The following AP3D1 variants were observed in gnomAD, a reference collection of about 807,000 sequenced individuals.
AP3D1 encodes the protein adaptor related protein complex 3 subunit delta 1, also known as AP-3 complex subunit delta-1.
Under a neutral mutation model 147.6 loss-of-function variants are expected in AP3D1, and 51 were observed. The observed-to-expected ratio is 0.35, with a 90% CI of 0.28 to 0.44. The LOEUF (loss-of-function observed/expected upper bound fraction) is 0.44. Ranked by LOEUF, AP3D1 falls within the 20% of genes least tolerant of loss-of-function variation. AP3D1 has a pLI of 1.00. For missense variants in AP3D1, 1,421 were observed against 1,624.2 expected, an observed-to-expected ratio of 0.87 and a Z score of 2.15; for synonymous variants, 760 against 663.0, an observed-to-expected ratio of 1.15 and a Z score of -2.25.
At chr19:2,134,216 C>A (rs2145126611) in intron 4 of AP3D1, among the ~76,000 whole-genome samples, 1 of 152,070 alleles carries the variant, frequency 6.6e-6, no homozygotes, top group South Asian at 2.1e-4. Context: ...GGGTTTGAGA[C>A]CAGCCTAGGC....
chr19:2,151,091 A>C lies in AP3D1; in HGVS notation c.96+148T>G, dbSNP rs1189195253. ...AGGAGGTGGGCGGCGCCCCAGGCCC[A>C]GGCCAGGCAGGGCCGGAGCCCTAAG... On this transcript the variant is annotated intron_variant, in intron 1 of 31. Coordinates refer to ENST00000643116, the MANE Select transcript of AP3D1 (RefSeq NM_001261826.3). The C allele has an allele frequency of 8.6e-6, 6 of 697,946 alleles. No homozygotes were observed. In the African/African-American group the frequency reaches 1.1e-4, roughly 13 times the overall value. 43.2% of individuals were successfully genotyped at this position (697,946 alleles called of 1,614,324 possible).
intron 9 of AP3D1, among the ~76,000 whole-genome samples, chr19:2,125,142 A>C (rs1490792906): frequency 6.6e-6 from 1 of 152,204 alleles, no homozygotes; most frequent in African/African-American, 2.4e-5. Flanking sequence ...CTGAAATAAT[A>C]ATTTTTTTAA....
At chr19:2,145,627 T>A (rs1331833673) in intron 1 of AP3D1, among the ~76,000 whole-genome samples, 1 of 152,156 alleles carries the variant, frequency 6.6e-6, no homozygotes, top group African/African-American at 2.4e-5. Context: ...TCGCCGCTCC[T>A]GCCCTCTGGT....
At chr19:2,131,321 C>A (rs2018933315) in intron 5 of AP3D1, among the ~76,000 whole-genome samples, 1 of 151,324 alleles carries the variant, frequency 6.6e-6, no homozygotes, top group Admixed American at 6.6e-5. Context: ...GATCTAGACA[C>A]CAGGTGGACA....
intron 1 of AP3D1, among the ~76,000 whole-genome samples, chr19:2,162,139 G>A (rs1036323750): frequency 6.7e-6 from 1 of 149,404 alleles, no homozygotes; most frequent in East Asian, 2.0e-4. Context: ...GGACTCAAGT[G>A]ATTTCTCCTG....
intron 3 of AP3D1, 40 bp downstream of exon 3, chr19:2,137,687 C>T (rs777771643): frequency 6.4e-7 from 1 of 1,570,740 alleles, no homozygotes; most frequent in Non-Finnish European, 8.7e-7. Flanking sequence ...CACCTGTAAT[C>T]ACTCCCCACC....
chr19:2,116,462 C>A, intron 17 of AP3D1, 143 bp downstream of exon 17: 2 of 1,275,616 alleles, frequency 1.6e-6, no homozygotes. Flanking sequence ...AAAGGAATCG[C>A]TAACGCTCTG....
At chr19:2,158,479 TG>T (rs1488827015) in intron 1 of AP3D1, among the ~76,000 whole-genome samples, 1 of 151,648 alleles carries the variant, frequency 6.6e-6, no homozygotes, top group Non-Finnish European at 1.5e-5. Flanking sequence ...CTACTTTTTG[TG>T]TATTTTTTGT....
intron 1 of AP3D1, among the ~76,000 whole-genome samples, chr19:2,163,783 T>G (rs1439018849): frequency 6.6e-6 from 1 of 150,398 alleles, no homozygotes; most frequent in Non-Finnish European, 1.5e-5. Flanking sequence ...CGTGCGTGCG[T>G]GGATTCGGGC....
intron 31 of AP3D1, 103 bp downstream of exon 31, chr19:2,108,584 C>G (rs565948954): frequency 9.4e-7 from 1 of 1,066,594 alleles, no homozygotes. Flanking sequence ...TCACTGTCCT[C>G]GAGCCCTCTA....
At chr19:2,136,170 G>C (rs1325060791) in intron 4 of AP3D1, among the ~76,000 whole-genome samples, 1 of 152,250 alleles carries the variant, frequency 6.6e-6, no homozygotes, top group African/African-American at 2.4e-5. Context: ...GGGACGCCCA[G>C]CTCTATAACC....
Position 2,116,668 on chromosome 19 carries a change from G to C in AP3D1, c.1938C>G (p.His646Gln). The change falls in exon 17 of 32, where the codon CAC becomes CAG. Residue 646 changes from histidine (H) to glutamine (Q), a missense_variant. His to Gln is a conservative substitution (Grantham distance 24). Coordinates refer to ENST00000643116, the MANE Select transcript of AP3D1 (RefSeq NM_001261826.3). ...GCTTGGGACGCCGCTGCTCCTCCTC[G>C]TGGAAGACGGCCCTGGGCCTCTCGT... ...SEDERPRAVF[H>Q]EEEQRRPKHR... 1 of 1,607,754 alleles carries C rather than the reference G, an allele frequency of 6.2e-7. No homozygotes were observed.
chr19:2,150,636 A>G (rs1195243415), intron 1 of AP3D1, among the ~76,000 whole-genome samples: 1 of 152,150 alleles, frequency 6.6e-6, no homozygotes. Flanking sequence ...CAACGCCCCA[A>G]GACCCTGCCT....
intron 1 of AP3D1, among the ~76,000 whole-genome samples, chr19:2,162,643 C>CA (rs2144612297): frequency 6.6e-6 from 1 of 150,824 alleles, no homozygotes; most frequent in Non-Finnish European, 1.5e-5. Flanking sequence ...GCCTGGGCGA[C>CA]AGAGCGAGAC....
chr19:2,154,839 T>C (rs2019632245), upstream of AP3D1, among the ~76,000 whole-genome samples: 1 of 152,212 alleles, frequency 6.6e-6, no homozygotes, highest in South Asian at 2.1e-4. Flanking sequence ...CCCAATTACG[T>C]TTCTTTATGA....
At chr19:2,144,138 G>C (rs1024208076) in intron 1 of AP3D1, among the ~76,000 whole-genome samples, 2 of 151,464 alleles carry the variant, frequency 1.3e-5, no homozygotes, top group African/African-American at 2.4e-5. Context: ...GTCAGGAAAG[G>C]GGACGCGCCG....
At chr19:2,161,726 A>G (rs1366318422) in intron 1 of AP3D1, among the ~76,000 whole-genome samples, 1 of 152,046 alleles carries the variant, frequency 6.6e-6, no homozygotes. Flanking sequence ...AGGTGGGAAT[A>G]TAACTTGAGA....
rs1376087729 is a variant in AP3D1 at position 2,114,204 on chromosome 19, CTCT to C, written c.2519_2521del (p.Lys840del). Reference sequence around the variant, plus strand: ...TTTCTCTTTCTTCTTGGGTTTCTTGCTCTTCTTTTCTACCATGGGAACGTCCTT... The same window carrying C: ...TTTCTCTTTCTTCTTGGGTTTCTTGCTCTTTTCTACCATGGGAACGTCCTT... On this transcript the variant is annotated inframe_deletion, in exon 22 of 32. Transcript: ENST00000643116. 2 of 1,611,418 alleles carry C rather than the reference CTCT, an allele frequency of 1.2e-6. No homozygotes were observed. Among genetic ancestry groups the C allele is most frequent in the Non-Finnish European group, 1.7e-6 (2 of 1,178,882 alleles).
rs373903647 is a variant in AP3D1 at position 2,138,611 on chromosome 19, G to A, written c.192+8C>T. On this transcript the variant is annotated splice_region_variant and intron_variant, in intron 2 of 31. Transcript: ENST00000643116. The stretch of plus-strand genomic sequence containing the variant: ...AGTGCTGGGCGCTGGCCACTGGGAG[G>A]CACTTACATACGTCAGCTTGCAGAC... 6.2e-7 allele frequency: 1 copy of A among 1,611,768 alleles called. No homozygotes were observed. The highest frequency in any genetic ancestry group is 1.3e-5 in the African/African-American group (1 of 74,880).
Sources: gnomAD v4.1 joint callset for allele counts (sites outside exome capture counted in the v4.1 genomes callset) on GRCh38, gnomAD v4.1.1 for gene constraint, MANE v1.5 for transcripts, NCBI Gene and HGNC (gene_info 2026-07-23, HGNC 2026-07-21) for gene names.